The following BCKDHB variants were observed in gnomAD, a reference collection of about 807,000 sequenced individuals.
The protein encoded by BCKDHB is 2-oxoisovalerate dehydrogenase subunit beta, mitochondrial.
In BCKDHB, 41 loss-of-function variants were observed where a neutral mutation model predicts 48.5. That is an observed-to-expected ratio of 0.85 (90% confidence interval 0.66 to 1.10). BCKDHB has a LOEUF of 1.10. Ranked by LOEUF, BCKDHB falls within the 50% of genes least tolerant of loss-of-function variation. The pLI is 0.00. For missense variants in BCKDHB, 496 were observed against 494.2 expected (o/e 1.00, Z -0.03); for synonymous variants, 201 against 174.8 (o/e 1.15, Z -1.18).
At chr6:80,137,209 C>T (rs1770933197) in intron 3 of BCKDHB, among the ~76,000 whole-genome samples, 1 of 151,984 alleles carries the variant, frequency 6.6e-6, no homozygotes. Context: ...ACTTTGATGA[C>T]CTTTTGTGAT....
chr6:80,338,398 C>T (rs1444084480), intron 9 of BCKDHB, among the ~76,000 whole-genome samples: 2 of 152,110 alleles, frequency 1.3e-5, no homozygotes, highest in African/African-American at 2.4e-5. Flanking sequence ...CCCCCGACCC[C>T]GGAACCAGCA....
chr6:80,131,012 A>G (rs554460239), intron 3 of BCKDHB, among the ~76,000 whole-genome samples: 4 of 152,134 alleles, frequency 2.6e-5, no homozygotes, highest in Non-Finnish European at 5.9e-5. Context: ...TATTACATGT[A>G]CTGCTTCATT....
intron 1 of BCKDHB, among the ~76,000 whole-genome samples, chr6:80,122,970 C>G (rs1031469023): frequency 7.4e-6 from 1 of 135,132 alleles, no homozygotes; most frequent in Admixed American, 7.3e-5. Context: ...TTCCCCCCCT[C>G]CCCCCCGGCC....
chr6:80,352,175 G>A, the BCKDHB span, among the ~76,000 whole-genome samples: 2 of 148,982 alleles, frequency 1.3e-5, no homozygotes, highest in African/African-American at 4.9e-5. Context: ...GATAGGGTTT[G>A]GCCATGTTGC....
At chr6:80,412,770 A>T in the BCKDHB span, among the ~76,000 whole-genome samples, 2 of 152,012 alleles carry the variant, frequency 1.3e-5, no homozygotes, top group African/African-American at 4.8e-5. Context: ...TTAATTTCTG[A>T]TCAACAGTTT....
chr6:80,431,604 T>A, the BCKDHB span, among the ~76,000 whole-genome samples: 1 of 152,326 alleles, frequency 6.6e-6, no homozygotes, highest in East Asian at 1.9e-4. Flanking sequence ...TGATGTTTGT[T>A]GGTTTAAAGT....
At chr6:80,222,566 T>C (rs910159283) in intron 8 of BCKDHB, among the ~76,000 whole-genome samples, 7 of 152,204 alleles carry the variant, frequency 4.6e-5, no homozygotes, top group Non-Finnish European at 7.3e-5. Flanking sequence ...CAGGTTTTTT[T>C]CTTCATGGAG....
chr6:80,134,280 T>G (rs547938454), intron 3 of BCKDHB, among the ~76,000 whole-genome samples: 32 of 152,298 alleles, frequency 2.1e-4, no homozygotes, highest in East Asian at 3.9e-4. Context: ...CATTACTGTA[T>G]CCATTCCTTT....
At chr6:80,264,590 G>A (rs1582465758) in intron 8 of BCKDHB, among the ~76,000 whole-genome samples, 4 of 152,088 alleles carry the variant, frequency 2.6e-5, no homozygotes, top group Admixed American at 6.6e-5. Flanking sequence ...TTCAGGAGAG[G>A]AGTGCTGTCA....
chr6:80,255,977 C>T (rs1320160152), intron 8 of BCKDHB, among the ~76,000 whole-genome samples: 1 of 152,138 alleles, frequency 6.6e-6, no homozygotes, highest in African/African-American at 2.4e-5. Context: ...GATTTGTGCC[C>T]TGAGGCTATT....
At chr6:80,432,254 G>T in the BCKDHB span, among the ~76,000 whole-genome samples, 34 of 152,196 alleles carry the variant, frequency 2.2e-4, no homozygotes, top group African/African-American at 8.2e-4. Flanking sequence ...AAGTTCTCCT[G>T]GATAATATCC....
chr6:80,428,333 C>T, the BCKDHB span, among the ~76,000 whole-genome samples: 40 of 152,168 alleles, frequency 2.6e-4, no homozygotes, highest in East Asian at 6.2e-3. Context: ...AGTAAACATA[C>T]GTGTGCATGT....
intron 6 of BCKDHB, among the ~76,000 whole-genome samples, chr6:80,197,468 G>A (rs1226878277): frequency 6.6e-6 from 1 of 151,976 alleles, no homozygotes; most frequent in Non-Finnish European, 1.5e-5. Flanking sequence ...AAATAATGAG[G>A]CCTTATTATT....
At chr6:80,247,783 A>G (rs1582435879) in intron 8 of BCKDHB, among the ~76,000 whole-genome samples, 2 of 152,288 alleles carry the variant, frequency 1.3e-5, no homozygotes, top group Middle Eastern at 3.4e-3. Context: ...TTATTTAGGT[A>G]ATTACCATTG....
chr6:80,178,674 A>G (rs934098951), intron 6 of BCKDHB, among the ~76,000 whole-genome samples: 7 of 152,166 alleles, frequency 4.6e-5, no homozygotes, highest in African/African-American at 1.7e-4. Flanking sequence ...CCAGCATATC[A>G]GGTAAATTCT....
At chr6:80,266,677 C>T (rs1777529073) in intron 8 of BCKDHB, among the ~76,000 whole-genome samples, 1 of 151,844 alleles carries the variant, frequency 6.6e-6, no homozygotes, top group African/African-American at 2.4e-5. Context: ...GAGAGTTGGC[C>T]CAGGGCAGTC....
intron 3 of BCKDHB, among the ~76,000 whole-genome samples, chr6:80,150,386 A>T (rs903361731): frequency 6.6e-6 from 1 of 152,104 alleles, no homozygotes; most frequent in African/African-American, 2.4e-5. Flanking sequence ...AAGAATGGGA[A>T]ACCAGCTAGG....
At chr6:80,359,891 A>G in the BCKDHB span, among the ~76,000 whole-genome samples, 1 of 152,176 alleles carries the variant, frequency 6.6e-6, no homozygotes, top group Non-Finnish European at 1.5e-5. Flanking sequence ...CGCCTGGCCA[A>G]CACACGTGTT....
chr6:80,300,371 T>G (rs911302795), intron 9 of BCKDHB, among the ~76,000 whole-genome samples: 1 of 152,024 alleles, frequency 6.6e-6, no homozygotes, highest in African/African-American at 2.4e-5. Flanking sequence ...TATTCTTATA[T>G]CAGTAAAACA....
Sources: gnomAD v4.1 joint callset for allele counts (sites outside exome capture counted in the v4.1 genomes callset) on GRCh38, gnomAD v4.1.1 for gene constraint, MANE v1.5 for transcripts, NCBI Gene and HGNC (gene_info 2026-07-23, HGNC 2026-07-21) for gene names.